The following PCYT1B variants were observed in gnomAD, a reference collection of about 807,000 sequenced individuals.
The protein encoded by PCYT1B is choline-phosphate cytidylyltransferase B.
A neutral mutation model predicts 26.4 loss-of-function variants in PCYT1B; 10 were observed. That is an observed-to-expected ratio of 0.38 (90% CI 0.23 to 0.64). PCYT1B has a LOEUF of 0.64. Among genes scored for constraint, PCYT1B ranks in the 30% least tolerant of loss-of-function variants. PCYT1B has a pLI of 0.56. For synonymous variants in PCYT1B, 131 were observed against 108.4 expected, an observed-to-expected ratio of 1.21 and a Z score of -1.29; for missense variants, 161 against 292.7, an observed-to-expected ratio of 0.55 and a Z score of 3.28.
At chrX:24,619,613 A>T (rs182917016) in intron 1 of PCYT1B, among the ~76,000 whole-genome samples, 44 of 112,112 alleles carry the variant, frequency 3.9e-4, no homozygotes, top group African/African-American at 1.4e-3. Context: ...GTGGCACGCC[A>T]TCTCCTATAT....
intron 1 of PCYT1B, among the ~76,000 whole-genome samples, chrX:24,628,691 T>C (rs914455079): frequency 9.0e-6 from 1 of 111,538 alleles, no homozygotes; most frequent in Non-Finnish European, 1.9e-5. Context: ...GATTATCTTA[T>C]CATGTCACTT....
intron 1 of PCYT1B, among the ~76,000 whole-genome samples, chrX:24,638,692 A>G: frequency 9.0e-6 from 1 of 111,650 alleles, no homozygotes. Flanking sequence ...GCACCAGCTA[A>G]AGATGTAAGA....
intron 3 of PCYT1B, among the ~76,000 whole-genome samples, chrX:24,606,510 A>G (rs1193942400): frequency 8.9e-6 from 1 of 112,302 alleles, no homozygotes; most frequent in Non-Finnish European, 1.9e-5. Context: ...ACTCCATTCA[A>G]TGGTCCTGTG....
intron 6 of PCYT1B, among the ~76,000 whole-genome samples, chrX:24,578,187 A>T (rs1335702083): frequency 9.0e-6 from 1 of 111,566 alleles, no homozygotes; most frequent in African/African-American, 3.3e-5. Flanking sequence ...TGTCCTTTGC[A>T]GGGACGTGGA....
At chrX:24,661,015 A>G (rs1927018507) in intron 1 of PCYT1B, among the ~76,000 whole-genome samples, 1 of 111,699 alleles carries the variant, frequency 9.0e-6, no homozygotes, top group Non-Finnish European at 1.9e-5. Flanking sequence ...TGTGAAGATA[A>G]CAATACTCAT....
intron 3 of PCYT1B, among the ~76,000 whole-genome samples, chrX:24,599,339 G>T (rs1312146351): frequency 8.9e-6 from 1 of 111,874 alleles, no homozygotes; most frequent in Non-Finnish European, 1.9e-5. Context: ...TAACTCAGAA[G>T]TTCAAAGAAT....
At chrX:24,658,155 G>C (rs1405244906) in intron 1 of PCYT1B, 2 of 111,866 alleles carry the variant, frequency 1.8e-5, no homozygotes. Context: ...ACCATCTGAC[G>C]CCAGGAGGGA....
chrX:24,656,233 G>GGGT (rs1555966034), intron 1 of PCYT1B, among the ~76,000 whole-genome samples: 1 of 100,566 alleles, frequency 9.9e-6, no homozygotes, highest in Non-Finnish European at 2.0e-5. Context: ...GGGTCGCGGG[G>GGGT]GGGGGTGGTA....
intron 1 of PCYT1B, among the ~76,000 whole-genome samples, chrX:24,660,664 G>A (rs1401830313): frequency 2.4e-5 from 2 of 83,587 alleles, no homozygotes; most frequent in Admixed American, 1.6e-4. Flanking sequence ...GGCAACAGGG[G>A]CAAAACTCTA....
intron 3 of PCYT1B, among the ~76,000 whole-genome samples, chrX:24,591,124 T>C (rs891399195): frequency 9.0e-6 from 1 of 111,680 alleles, no homozygotes; most frequent in Non-Finnish European, 1.9e-5. Flanking sequence ...AGATCTCAGG[T>C]TCCTGAACCC....
At chrX:24,593,391 TTTCC>T (rs1330124612) in intron 3 of PCYT1B, among the ~76,000 whole-genome samples, 2 of 106,433 alleles carry the variant, frequency 1.9e-5, no homozygotes, top group African/African-American at 6.8e-5. Flanking sequence ...TCTCTCTCTC[TTTCC>T]TTCTTTCCCT....
rs5944640 is a variant in PCYT1B, at chrX:24,598,311, A to C, written c.335-8137T>G. Among the ~76,000 whole-genome samples, 3 of 110,507 alleles carry C rather than the reference A, an allele frequency of 2.7e-5. No homozygotes were observed. In the East Asian group the frequency reaches 8.5e-4, roughly 31 times the overall value. ...ATTTTCTACCTCTTTATAACAAAAA[A>C]TAAAATTATTATCTGCCTCCAGACC... is the stretch of plus-strand genomic sequence containing the variant. On this transcript the variant is annotated intron_variant, in intron 3 of 7. Transcript: ENST00000379144.
chrX:24,672,726 A>T, upstream of PCYT1B: 2 of 668,338 alleles, frequency 3.0e-6, no homozygotes, highest in Non-Finnish European at 4.7e-6. Flanking sequence ...CACTTGACCA[A>T]AGGTCAAGCA....
intron 3 of PCYT1B, among the ~76,000 whole-genome samples, chrX:24,602,868 A>G (rs997715385): frequency 5.4e-5 from 6 of 110,993 alleles, no homozygotes; most frequent in Non-Finnish European, 7.5e-5. Flanking sequence ...CAGTGGTACA[A>G]TCTCAGCTCC....
intron 1 of PCYT1B, among the ~76,000 whole-genome samples, chrX:24,620,401 G>A (rs1404935285): frequency 1.8e-5 from 2 of 111,546 alleles, no homozygotes; most frequent in African/African-American, 6.5e-5. Context: ...AGGCCTCCCA[G>A]TTATCTGAGA....
chrX:24,658,751 TA>T (rs1339959131), intron 1 of PCYT1B, among the ~76,000 whole-genome samples: 1 of 111,703 alleles, frequency 9.0e-6, no homozygotes, highest in Non-Finnish European at 1.9e-5. Context: ...ATCACATCTA[TA>T]AAGTCTCTTT....
chrX:24,570,105 T>C lies in PCYT1B; in HGVS notation c.897+5025A>G, dbSNP rs1240181943. On this transcript the variant is annotated intron_variant, in intron 7 of 7. Coordinates refer to ENST00000379144, the MANE Select transcript of PCYT1B (RefSeq NM_004845.5). ...GGGAGGCTGAGACAGGAGAATCGGTTGAACCTGGGAGGTGGAGGTTGCAGT... is the reference window on the plus strand; with the variant it reads ...GGGAGGCTGAGACAGGAGAATCGGTCGAACCTGGGAGGTGGAGGTTGCAGT... Among the ~76,000 whole-genome samples, 3 of 101,599 alleles carry C rather than the reference T, an allele frequency of 3.0e-5. No individual in the cohort carries two copies. The East Asian group carries it at 9.5e-4, about 32-fold the overall frequency. The allele number at this position is 101,599 out of a possible 115,157, so 88.2% of individuals were successfully genotyped here.
chrX:24,609,990 G>A (rs747067472), intron 2 of PCYT1B, among the ~76,000 whole-genome samples: 1 of 110,895 alleles, frequency 9.0e-6, no homozygotes, highest in African/African-American at 3.3e-5. Context: ...CTACTCGGGA[G>A]GCTGAGGCAG....
At chrX:24,582,849 C>A (rs61761922) in intron 5 of PCYT1B, among the ~76,000 whole-genome samples, 1,552 of 111,950 alleles carry the variant, frequency 0.014, 34 homozygotes, top group African/African-American at 0.046. Flanking sequence ...TTCTGAGCAT[C>A]TTTCTCCCAT....
Sources: allele counts gnomAD v4.1 joint callset (sites outside exome capture counted in the v4.1 genomes callset), GRCh38; gene constraint gnomAD v4.1.1; transcripts MANE v1.5; gene names NCBI Gene and HGNC (gene_info 2026-07-23, HGNC 2026-07-21).